The following APOL3 variants were observed in gnomAD, a reference collection of about 807,000 sequenced individuals.
The protein encoded by APOL3 is TNF-inducible protein CG12-1.
APOL3 carries 14 observed loss-of-function variants against 11.6 expected under a neutral mutation model. The ratio of observed to expected loss-of-function variants is 1.21; its 90% CI spans 0.80 to 1.89. The LOEUF (loss-of-function observed/expected upper bound fraction) is 1.89. Ranked by LOEUF, APOL3 falls within the 40% of genes most tolerant of loss-of-function variation. The probability of loss-of-function intolerance (pLI) is 0.00; values close to 1 mark genes in which losing one functional copy is unlikely to be tolerated. For synonymous variants in APOL3, 192 were observed against 190.6 expected (o/e 1.01, Z -0.06); for missense variants, 483 against 492.1 (o/e 0.98, Z 0.17).
intron 1 of APOL3, among the ~76,000 whole-genome samples, chr22:36,158,313 C>T (rs1006482312): frequency 1.3e-5 from 2 of 152,128 alleles, no homozygotes; most frequent in Non-Finnish European, 2.9e-5. Flanking sequence ...CCTGGAGGAT[C>T]GTCAGCGATA....
chr22:36,160,923 T>A (rs781173974), exon 1 of APOL3: 2 of 1,595,726 alleles, frequency 1.3e-6, no homozygotes, highest in South Asian at 2.2e-5. Flanking sequence ...GGTCCCACCC[T>A]CCTGCTGATC....
At chr22:36,156,780 C>G (rs867259404) in intron 1 of APOL3, 2 of 344,190 alleles carry the variant, frequency 5.8e-6, no homozygotes, top group Non-Finnish European at 1.2e-5. Context: ...TCTGTCTCCC[C>G]GTTAAACTCT....
rs775402714 is a variant in APOL3, at chr22:36,141,853, T to C, written c.556A>G (p.Ile186Val). ...GTGGAGCTGGACACCACATTGGAGA[T>C]GGTGCAGCCTCTGTGGACCTCTTCA... Residue 186 changes from isoleucine to valine, a missense_variant, in exon 3 of 3, where the codon ATC becomes GTC. Transcript: ENST00000349314. 2.5e-6 allele frequency: 4 copies of C among 1,614,210 alleles called. No homozygotes were observed. The South Asian group carries it at 3.3e-5, about 13-fold the overall frequency.
At chr22:36,153,343 A>G (rs1236768915) in intron 1 of APOL3, 1 of 455,400 alleles carries the variant, frequency 2.2e-6, no homozygotes, top group Non-Finnish European at 4.4e-6. Context: ...AAGTGTGAGC[A>G]AGTGCCAAAG....
chr22:36,145,629 A>G (rs1168341875), intron 1 of APOL3, 30 bp from the exon 3 acceptor site: 2 of 1,610,886 alleles, frequency 1.2e-6, no homozygotes, highest in East Asian at 4.5e-5. Context: ...ATAAGATTGG[A>G]AGAAAGTGTG....
At chr22:36,165,711 G>A (rs146164601), upstream of APOL3, 4 of 152,234 alleles carry the variant, frequency 2.6e-5, no homozygotes, top group Non-Finnish European at 5.9e-5. Flanking sequence ...GGGCCCCTTG[G>A]ATGGCCACCA....
intron 1 of APOL3, among the ~76,000 whole-genome samples, chr22:36,156,209 C>T (rs1475041124): frequency 6.6e-6 from 1 of 152,154 alleles, no homozygotes; most frequent in African/African-American, 2.4e-5. Flanking sequence ...ATCCTCCTGC[C>T]TCATCCTTCT....
chr22:36,157,466 G>A (rs1269250574), intron 1 of APOL3, among the ~76,000 whole-genome samples: 2 of 152,138 alleles, frequency 1.3e-5, no homozygotes, highest in Non-Finnish European at 1.5e-5. Context: ...CAATCCCAAA[G>A]GGATCTAAGT....
rs1009358878 is a variant in APOL3, at chr22:36,148,238, C to T, written c.224-2639G>A. Among the ~76,000 whole-genome samples, 8 of 152,334 alleles carry T rather than the reference C, an allele frequency of 5.3e-5. No homozygotes were observed. In the East Asian group the frequency reaches 5.8e-4, roughly 11 times the overall value. On this transcript the variant is annotated intron_variant, in intron 1 of 2. Transcript: ENST00000349314. ...GGTATTTGAGATCATGGGAATGAGG[C>T]CCTGCCTGAGGCAGTCATCCCTGGT... is the stretch of plus-strand genomic sequence containing the variant.
chr22:36,152,850 T>C (rs906739123), intron 1 of APOL3, among the ~76,000 whole-genome samples: 5 of 152,216 alleles, frequency 3.3e-5, no homozygotes, highest in Non-Finnish European at 7.3e-5. Flanking sequence ...GGTTCACATC[T>C]GTAATCCCAG....
chr22:36,160,156 T>G (rs1484073430), intron 1 of APOL3, among the ~76,000 whole-genome samples: 2 of 152,136 alleles, frequency 1.3e-5, no homozygotes, highest in Non-Finnish European at 2.9e-5. Context: ...GTGCTGGGAT[T>G]ACAGGCATGA....
intron 1 of APOL3, chr22:36,153,505 A>G: frequency 2.4e-6 from 1 of 424,422 alleles, no homozygotes; most frequent in South Asian, 1.6e-5. Flanking sequence ...TCCTATCTTG[A>G]ATCAGTATAA....
intron 1 of APOL3, among the ~76,000 whole-genome samples, chr22:36,152,117 G>A (rs1329743329): frequency 1.3e-5 from 2 of 152,130 alleles, no homozygotes; most frequent in African/African-American, 4.8e-5. Context: ...CATGCAGCAG[G>A]CCTAGAAAGC....
chr22:36,141,244 G>A (rs199527580), exon 3 of APOL3: 3 of 1,614,126 alleles, frequency 1.9e-6, no homozygotes, highest in African/African-American at 2.7e-5. Context: ...ATCTGAGTGA[G>A]CTCCATTAGA....
intron 2 of APOL3, among the ~76,000 whole-genome samples, chr22:36,144,819 C>T (rs573701346): frequency 6.6e-6 from 1 of 151,860 alleles, no homozygotes; most frequent in Non-Finnish European, 1.5e-5. Flanking sequence ...ACCATCCTGG[C>T]TAACACGATG....
At chr22:36,156,917 G>C in intron 1 of APOL3, 2 of 455,950 alleles carry the variant, frequency 4.4e-6, no homozygotes, top group South Asian at 3.1e-5. Context: ...TGGACTAAAA[G>C]CAACCAGCCT....
At position 36,150,984 on chromosome 22, in the gene APOL3, A is replaced by G. The variant is rs141205381; in HGVS notation, c.224-5385T>C. 1.2e-3 allele frequency among the ~76,000 whole-genome samples: 183 copies of G among 152,354 alleles called. 1 individual carries two copies. Among genetic ancestry groups the G allele is most frequent in the African/African-American group, 4.3e-3 (179 of 41,584 alleles). On this transcript the variant is annotated intron_variant, in intron 1 of 2. Coordinates refer to ENST00000349314, the Ensembl canonical transcript of APOL3. Reference sequence around the variant, plus strand: ...AACTGGCTGAAGAAGTGACAACTGAATAGAGAGGGGTAAAGGGATCTGCAA... The same window carrying G: ...AACTGGCTGAAGAAGTGACAACTGAGTAGAGAGGGGTAAAGGGATCTGCAA...
At chr22:36,149,637 G>A in intron 1 of APOL3, 1 of 359,146 alleles carries the variant, frequency 2.8e-6, no homozygotes, top group Non-Finnish European at 5.4e-6. Context: ...TGAAACAGAA[G>A]AAACCTCAAA....
chr22:36,163,048 T>C (rs2013772860), upstream of APOL3, among the ~76,000 whole-genome samples: 1 of 152,194 alleles, frequency 6.6e-6, no homozygotes, highest in Non-Finnish European at 1.5e-5. Context: ...CTTAGAGAAA[T>C]CTTCTCTGGA....
Sources: gnomAD v4.1 joint callset for allele counts (sites outside exome capture counted in the v4.1 genomes callset) on GRCh38, gnomAD v4.1.1 for gene constraint, MANE v1.5 for transcripts, NCBI Gene and HGNC (gene_info 2026-07-23, HGNC 2026-07-21) for gene names.